MAPK8: variants seen among roughly 807,000 people sequenced by gnomAD.
MAPK8 encodes the protein JUN N-terminal kinase.
A neutral mutation model predicts 52.9 loss-of-function variants in MAPK8; 13 were observed. The ratio of observed to expected loss-of-function variants is 0.25; its 90% CI spans 0.16 to 0.39. MAPK8 has a LOEUF of 0.39. MAPK8 is among the 10% of genes least tolerant of loss of function. The pLI is 1.00. For missense variants in MAPK8, 300 were observed against 519.2 expected (o/e 0.58, Z 4.10); for synonymous variants, 191 against 169.8 (o/e 1.12, Z -0.97).
rs890444129 is a variant in MAPK8, at chr10:48,339,410, C to T, written c.-50+32589C>T. On this transcript the variant is annotated intron_variant, in intron 1 of 11. Transcript: ENST00000374189. ...GTAGAAGAATGAAAATAGACTCCTA[C>T]CTCTCACTATATACAAAAATTAACT... Among the ~76,000 whole-genome samples the T allele has an allele frequency of 2.6e-5, 4 of 152,238 alleles. No individual in the cohort carries two copies. The South Asian group carries it at 8.3e-4, about 32-fold the overall frequency.
At chr10:48,327,069 A>G (rs1262019146) in intron 1 of MAPK8, among the ~76,000 whole-genome samples, 1 of 151,628 alleles carries the variant, frequency 6.6e-6, no homozygotes, top group Non-Finnish European at 1.5e-5. Flanking sequence ...CTTCCCTTTT[A>G]TTGTCTTATT....
At chr10:48,342,614 G>A (rs1391814055) in intron 1 of MAPK8, among the ~76,000 whole-genome samples, 1 of 152,220 alleles carries the variant, frequency 6.6e-6, no homozygotes, top group Admixed American at 6.5e-5. Context: ...AGCTTGAAAT[G>A]TAGTCGTGTG....
intron 5 of MAPK8, among the ~76,000 whole-genome samples, chr10:48,419,314 T>G (rs2043223578): frequency 6.6e-6 from 1 of 152,216 alleles, no homozygotes; most frequent in African/African-American, 2.4e-5. Context: ...GGTAATACAG[T>G]GCATTTGTGT....
At chr10:48,425,835 C>T (rs867175615) in intron 7 of MAPK8, 53 bp from the exon 8 acceptor site, 16 of 872,362 alleles carry the variant, frequency 1.8e-5, no homozygotes, top group East Asian at 1.1e-4. Flanking sequence ...ATGAATATGA[C>T]TAATGTATTG....
At chr10:48,388,914 C>T (rs2041472215) in intron 1 of MAPK8, among the ~76,000 whole-genome samples, 1 of 152,000 alleles carries the variant, frequency 6.6e-6, no homozygotes, top group South Asian at 2.1e-4. Flanking sequence ...AGGCAGTCTC[C>T]TAAGGAAAGA....
chr10:48,323,005 C>G (rs1776108356), intron 1 of MAPK8, among the ~76,000 whole-genome samples: 1 of 152,082 alleles, frequency 6.6e-6, no homozygotes, highest in African/African-American at 2.4e-5. Flanking sequence ...TTAGGTTGAT[C>G]AAGGTTTATG....
At chr10:48,323,938 G>A (rs1843227419) in intron 1 of MAPK8, among the ~76,000 whole-genome samples, 1 of 152,062 alleles carries the variant, frequency 6.6e-6, no homozygotes, top group Non-Finnish European at 1.5e-5. Flanking sequence ...CAGTAGAATC[G>A]GCTATTACTG....
chr10:48,310,386 C>T (rs554786423), intron 1 of MAPK8, among the ~76,000 whole-genome samples: 14 of 152,210 alleles, frequency 9.2e-5, no homozygotes, highest in South Asian at 2.1e-4. Flanking sequence ...TTGTAATTTT[C>T]AGAAGCCAAA....
At chr10:48,368,426 C>G (rs1360755152) in intron 1 of MAPK8, among the ~76,000 whole-genome samples, 1 of 152,188 alleles carries the variant, frequency 6.6e-6, no homozygotes, top group Admixed American at 6.5e-5. Flanking sequence ...TGTCCTCTCC[C>G]CGCATGTTGG....
In MAPK8 at chr10:48,417,322, A is replaced by G. The variant is rs578238939; in HGVS notation, c.451-2833A>G. ...GGTCCTGTATTCTTGGACTTAATTG[A>G]GGCTGTCTTCAGTCTTCCTGTAAGC... On this transcript the variant is annotated intron_variant, in intron 5 of 11. Coordinates refer to ENST00000374189, the MANE Select transcript of MAPK8 (RefSeq NM_001323329.2). Among the ~76,000 whole-genome samples, 192 of 152,274 alleles carry G rather than the reference A, an allele frequency of 1.3e-3. 1 individual carries two copies. The highest frequency in any genetic ancestry group is 3.1e-3 in the Admixed American group (47 of 15,286).
chr10:48,377,535 A>T (rs2040745013), intron 1 of MAPK8, among the ~76,000 whole-genome samples: 1 of 152,058 alleles, frequency 6.6e-6, no homozygotes, highest in Non-Finnish European at 1.5e-5. Flanking sequence ...CGCAGAAGGA[A>T]TTGTGTAGCT....
chr10:48,410,386 T>C (rs2042684697), intron 5 of MAPK8: 2 of 381,888 alleles, frequency 5.2e-6, no homozygotes, highest in Non-Finnish European at 9.3e-6. Context: ...CCAGTCTGCT[T>C]TCTGTGTCTA....
intron 1 of MAPK8, among the ~76,000 whole-genome samples, chr10:48,308,511 G>T (rs1019890552): frequency 5.3e-5 from 8 of 152,026 alleles, no homozygotes; most frequent in Non-Finnish European, 1.0e-4. Flanking sequence ...ATAAAATCTT[G>T]TCTAAATATT....
At chr10:48,315,414 C>T (rs1220804774) in intron 1 of MAPK8, among the ~76,000 whole-genome samples, 1 of 152,176 alleles carries the variant, frequency 6.6e-6, no homozygotes, top group African/African-American at 2.4e-5. Flanking sequence ...CAGTGATTGG[C>T]TTCTATTAAA....
chr10:48,377,426 C>T (rs1477888434), intron 1 of MAPK8, among the ~76,000 whole-genome samples: 1 of 152,128 alleles, frequency 6.6e-6, no homozygotes, highest in Admixed American at 6.6e-5. Context: ...ATATCCACTC[C>T]CTCACTGCTC....
intron 1 of MAPK8, among the ~76,000 whole-genome samples, chr10:48,327,701 A>C (rs1291706442): frequency 1.3e-5 from 2 of 152,142 alleles, no homozygotes; most frequent in African/African-American, 4.8e-5. Context: ...CACCAGTAAA[A>C]CTGTTCAGGC....
At position 48,426,550 on chromosome 10, in the gene MAPK8, G is replaced by A. The variant is rs371545646; in HGVS notation, c.996+46G>A. The A allele has an allele frequency of 8.4e-5, 130 of 1,554,246 alleles. 1 individual carries two copies. The highest frequency in any genetic ancestry group is 9.3e-5 in the Non-Finnish European group (106 of 1,144,498). Reference sequence around the variant, plus strand: ...TTACAGAACATATTGCATTCTTAGAGTTAGAATGACAGTTAGGTTTGGAGG... The same window carrying A: ...TTACAGAACATATTGCATTCTTAGAATTAGAATGACAGTTAGGTTTGGAGG... On this transcript the variant is annotated intron_variant, in intron 9 of 11. Coordinates refer to ENST00000374189, the MANE Select transcript of MAPK8 (RefSeq NM_001323329.2).
chr10:48,373,082 C>T (rs2040423156), intron 1 of MAPK8, among the ~76,000 whole-genome samples: 1 of 152,068 alleles, frequency 6.6e-6, no homozygotes. Flanking sequence ...GGCTAATATT[C>T]AACATTCTTA....
At chr10:48,384,572 T>G (rs899294184) in intron 1 of MAPK8, among the ~76,000 whole-genome samples, 1 of 152,212 alleles carries the variant, frequency 6.6e-6, no homozygotes. Flanking sequence ...ATGTGTGGAC[T>G]CAGCATGGAT....
Sources: allele counts gnomAD v4.1 joint callset (sites outside exome capture counted in the v4.1 genomes callset), GRCh38; gene constraint gnomAD v4.1.1; transcripts MANE v1.5; gene names NCBI Gene and HGNC (gene_info 2026-07-23, HGNC 2026-07-21).